The following CFAP74 variants were observed in gnomAD, a reference collection of about 807,000 sequenced individuals.
The protein encoded by CFAP74 is cilia- and flagella-associated protein 74.
A neutral mutation model predicts 188.9 loss-of-function variants in CFAP74; 124 were observed. The ratio of observed to expected loss-of-function variants is 0.66; its 90% confidence interval spans 0.57 to 0.76. The LOEUF is 0.76. Ranked by LOEUF, CFAP74 falls within the 30% of genes least tolerant of loss-of-function variation. CFAP74 has a pLI of 0.00. For synonymous variants in CFAP74, 956 were observed against 916.7 expected, an observed-to-expected ratio of 1.04 and a Z score of -0.77; for missense variants, 2,198 against 2,165.2, an observed-to-expected ratio of 1.02 and a Z score of -0.30.
At chr1:1,972,527 TTGA>T (rs756669269) in intron 8 of CFAP74, among the ~76,000 whole-genome samples, 1 of 152,234 alleles carries the variant, frequency 6.6e-6, no homozygotes. Flanking sequence ...TTATTGGTTT[TTGA>T]TGATAAGGTG....
At position 1,924,538 on chromosome 1, in the gene CFAP74, C is replaced by G; in HGVS notation, c.4105-18G>C. 1 of 1,589,676 alleles carries G rather than the reference C, an allele frequency of 6.3e-7. No homozygotes were observed. The highest frequency in any genetic ancestry group is 8.6e-7 in the Non-Finnish European group (1 of 1,168,932). On this transcript the variant is annotated intron_variant, in intron 33 of 38. Transcript: ENST00000682832. ...TTCTGCAGCTGCAGAGAGCAGGCCG[C>G]GGTCACTGCCCGCCAGCCCCTGCCT...
intron 25 of CFAP74, among the ~76,000 whole-genome samples, chr1:1,938,078 C>T (rs1342435762): frequency 6.7e-6 from 1 of 148,852 alleles, no homozygotes; most frequent in African/African-American, 2.5e-5. Context: ...ACCCAACACA[C>T]ACGCACTCAC....
At chr1:1,992,477 A>T (rs1275510128) in intron 1 of CFAP74, among the ~76,000 whole-genome samples, 1 of 138,980 alleles carries the variant, frequency 7.2e-6, no homozygotes, top group Non-Finnish European at 1.6e-5. Context: ...ACCAAAAACA[A>T]TTTTTTTTTT....
At chr1:1,929,081 C>A (rs916777049) in intron 26 of CFAP74, among the ~76,000 whole-genome samples, 199 bp from the exon 27 acceptor site, 14 of 151,932 alleles carry the variant, frequency 9.2e-5, no homozygotes, top group Non-Finnish European at 1.8e-4. Flanking sequence ...CAGGCGGGAG[C>A]ACCAAACCCT....
At chr1:1,982,510 G>A (rs1445992608) in intron 6 of CFAP74, among the ~76,000 whole-genome samples, 1 of 152,254 alleles carries the variant, frequency 6.6e-6, no homozygotes, top group African/African-American at 2.4e-5. Flanking sequence ...ACATCTGCTG[G>A]AGTGAAGTCC....
rs564612632 is a variant in CFAP74 at position 1,941,967 on chromosome 1, C to T, written c.2615+61G>A. The stretch of plus-strand genomic sequence containing the variant: ...CAGAGGAGTGGCCAGTGGCGAGGAG[C>T]GCCTCGGAGCCCACAACCTCCCACG... On this transcript the variant is annotated intron_variant, in intron 22 of 38. Transcript: ENST00000682832. The T allele has an allele frequency of 1.7e-5, 24 of 1,398,098 alleles. No homozygotes were observed. In the African/African-American group the frequency reaches 1.9e-4, roughly 11 times the overall value. 86.6% of individuals were successfully genotyped at this position (1,398,098 alleles called of 1,614,324 possible). A position where few individuals can be genotyped will look rare whatever the true frequency, so the allele number is the denominator to read the frequency against.
intron 27 of CFAP74, 27 bp from the exon 28 acceptor site, chr1:1,927,773 G>C: frequency 6.5e-7 from 1 of 1,544,860 alleles, no homozygotes; most frequent in Non-Finnish European, 8.7e-7. Flanking sequence ...TGGCTGTGGG[G>C]CTGTGCAGGG....
rs1253493495 is a variant in CFAP74, at chr1:1,923,846, T to C, written c.4318A>G (p.Thr1440Ala). ...TCGTGGTCGGGGCTGAAGGTGACAG[T>C]GAAGTCTTGTGTCTTCCCGGGGTCC... ...VMDPGKTQDF[T>A]VTFSPDHESL... The change falls in exon 35 of 39, where the codon ACT becomes GCT. Residue 1440 changes from threonine (T) to alanine (A), a missense_variant. Physicochemically the swap from Thr to Ala is moderately conservative, Grantham distance 58 (BLOSUM62 0). Coordinates refer to ENST00000682832, the MANE Select transcript of CFAP74 (RefSeq NM_001304360.2). The surrounding 1 kb of genome is among the most constrained non-coding windows in gnomAD (Gnocchi z 6.3). 3 of 1,613,226 alleles carry C rather than the reference T, an allele frequency of 1.9e-6. No homozygotes were observed. The highest frequency in any genetic ancestry group is 2.5e-6 in the Non-Finnish European group (3 of 1,179,790).
chr1:1,988,769 C>T (rs1435752252), intron 3 of CFAP74, 114 bp from the exon 4 acceptor site: 20 of 1,383,574 alleles, frequency 1.4e-5, no homozygotes, highest in East Asian at 7.0e-5. Flanking sequence ...GCGGGAGCTG[C>T]GGGAGCTACA....
intron 37 of CFAP74, 116 bp from the exon 38 acceptor site, chr1:1,922,839 AC>A: frequency 6.8e-7 from 1 of 1,473,226 alleles, no homozygotes; most frequent in Admixed American, 2.3e-5. Context: ...CAGGCTGCCC[AC>A]CCCACAGCTG....
At chr1:1,939,821 G>A (rs1250332795) in intron 23 of CFAP74, 54 bp from the exon 24 acceptor site, 12 of 1,497,634 alleles carry the variant, frequency 8.0e-6, no homozygotes, top group Non-Finnish European at 8.1e-6. Context: ...CTTACCAAGT[G>A]CTCCCCAAAC....
chr1:1,959,883 T>A, intron 15 of CFAP74, 81 bp downstream of exon 15: 3 of 1,242,108 alleles, frequency 2.4e-6, no homozygotes, highest in Non-Finnish European at 3.3e-6. Flanking sequence ...TCCCCCATCA[T>A]GTTCTGCGCC....
intron 18 of CFAP74, chr1:1,955,252 C>T (rs938887481): frequency 3.4e-5 from 44 of 1,291,980 alleles, no homozygotes; most frequent in East Asian, 5.5e-5. Flanking sequence ...TTCCCGATGG[C>T]GGCGGGCTGC....
chr1:1,959,988 T>G lies in CFAP74; in HGVS notation c.1737A>C (p.Glu579Asp). 6.3e-7 allele frequency: 1 copy of G among 1,595,676 alleles called. No homozygotes were observed. The highest frequency in any genetic ancestry group is 8.5e-7 in the Non-Finnish European group (1 of 1,172,144). ...CCATCGGCTTGAAGGTGACAAGCACTTCACAGGACATTCCGGCTGACAGGG... is the reference window on the plus strand; with the variant it reads ...CCATCGGCTTGAAGGTGACAAGCACGTCACAGGACATTCCGGCTGACAGGG... ...PGPLSAGMSC[E>D]VLVTFKPMIN... The change falls in exon 15 of 39, where the codon GAA (glutamate) becomes GAC (aspartate). Residue 579 changes from glutamate to aspartate, a missense_variant. Physicochemically the swap from Glu to Asp is conservative, Grantham distance 45. Transcript: ENST00000682832.
At chr1:1,946,085 G>C (rs1171952780) in intron 20 of CFAP74, among the ~76,000 whole-genome samples, 1 of 152,128 alleles carries the variant, frequency 6.6e-6, no homozygotes, top group Non-Finnish European at 1.5e-5. Context: ...GCATGTTTTT[G>C]CATGGGCATG....
chr1:1,922,875 G>A (rs1001605163), intron 37 of CFAP74, 110 bp downstream of exon 37: 10 of 1,491,380 alleles, frequency 6.7e-6, no homozygotes, highest in Admixed American at 2.2e-5. Context: ...AGAAAAGCCC[G>A]GCTGTCAGGA....
intron 1 of CFAP74, among the ~76,000 whole-genome samples, chr1:1,991,793 A>T (rs1337444400): frequency 9.9e-5 from 15 of 152,066 alleles, no homozygotes; most frequent in Non-Finnish European, 1.5e-4. Context: ...TAATCCCAGC[A>T]CTTTGGGAGG....
At chr1:1,999,892 G>A (rs1658111700) in intron 1 of CFAP74, among the ~76,000 whole-genome samples, 1 of 151,978 alleles carries the variant, frequency 6.6e-6, no homozygotes, top group African/African-American at 2.4e-5. Flanking sequence ...CAGGCCGGGC[G>A]CGGTGGCTCA....
chr1:1,946,163 CGT>C (rs1399002594), intron 20 of CFAP74, among the ~76,000 whole-genome samples, 152 bp downstream of exon 20: 5 of 152,236 alleles, frequency 3.3e-5, no homozygotes, highest in Non-Finnish European at 7.3e-5. Context: ...CGTGTGCGTG[CGT>C]GTGTTGTAAA....
Sources: gnomAD v4.1 joint callset for allele counts (sites outside exome capture counted in the v4.1 genomes callset) on GRCh38, gnomAD v4.1.1 for gene constraint, Gnocchi (gnomAD v3.1) non-coding constraint, MANE v1.5 for transcripts, NCBI Gene and HGNC (gene_info 2026-07-23, HGNC 2026-07-21) for gene names.